Variants in TLE3 observed in about 807,000 individuals in gnomAD.
TLE3 encodes the protein TLE family member 3, transcriptional corepressor.
In TLE3, 14 loss-of-function variants were observed where a neutral mutation model predicts 93.0. The observed-to-expected ratio is 0.15, with a 90% CI of 0.10 to 0.24. The LOEUF is 0.24. Among genes scored for constraint, TLE3 ranks in the 10% least tolerant of loss-of-function variants. The pLI is 1.00. For synonymous variants in TLE3, 451 were observed against 425.0 expected (o/e 1.06, Z -0.75); for missense variants, 693 against 1,046.6 (o/e 0.66, Z 4.66).
chr15:70,073,490 A>C (rs1359485877), intron 6 of TLE3, among the ~76,000 whole-genome samples: 1 of 152,206 alleles, frequency 6.6e-6, no homozygotes, highest in African/African-American at 2.4e-5. Flanking sequence ...AGAATGTTAG[A>C]GTTGAATCAG....
chr15:70,063,429 C>A (rs1393909603), intron 8 of TLE3, among the ~76,000 whole-genome samples: 1 of 152,116 alleles, frequency 6.6e-6, no homozygotes, highest in Non-Finnish European at 1.5e-5. Flanking sequence ...GTAGGCGGGT[C>A]AAGAGGCCAC....
chr15:70,063,309 G>A (rs972453230), intron 8 of TLE3, among the ~76,000 whole-genome samples: 2 of 152,218 alleles, frequency 1.3e-5, no homozygotes, highest in African/African-American at 4.8e-5. Context: ...AAATGCCACT[G>A]TTAGAGGATC....
chr15:70,079,978 A>G (rs181020892), intron 4 of TLE3, among the ~76,000 whole-genome samples: 2 of 152,200 alleles, frequency 1.3e-5, no homozygotes, highest in Admixed American at 1.3e-4. Flanking sequence ...TAAGGTTAAT[A>G]ATTGACAGCA....
chr15:70,086,977 C>T (rs2058066493), intron 4 of TLE3, among the ~76,000 whole-genome samples: 1 of 152,214 alleles, frequency 6.6e-6, no homozygotes, highest in Non-Finnish European at 1.5e-5. Flanking sequence ...GACACCTTTA[C>T]AACTCTTTCT....
chr15:70,059,689 T>C (rs2056335906), intron 9 of TLE3, among the ~76,000 whole-genome samples: 1 of 152,206 alleles, frequency 6.6e-6, no homozygotes, highest in Admixed American at 6.5e-5. Context: ...TCCACTCCTG[T>C]ACCCACTGGG....
At chr15:70,073,915 A>T (rs1315551081) in intron 6 of TLE3, among the ~76,000 whole-genome samples, 1 of 152,168 alleles carries the variant, frequency 6.6e-6, no homozygotes, top group Non-Finnish European at 1.5e-5. Flanking sequence ...CTCACAGAGC[A>T]CTCTTGGGTA....
chr15:70,095,910 C>A, intron 2 of TLE3: 1 of 628,762 alleles, frequency 1.6e-6, no homozygotes, highest in Non-Finnish European at 2.7e-6. Context: ...CACCCAGAAC[C>A]CGGAGTGAAC....
intron 4 of TLE3, among the ~76,000 whole-genome samples, chr15:70,092,127 T>C (rs2058339529): frequency 6.6e-6 from 1 of 152,214 alleles, no homozygotes; most frequent in African/African-American, 2.4e-5. Flanking sequence ...AGTCAACCGC[T>C]AAACAGGTCA....
At chr15:70,077,034 G>C (rs1250043449) in intron 4 of TLE3, among the ~76,000 whole-genome samples, 1 of 152,102 alleles carries the variant, frequency 6.6e-6, no homozygotes, top group South Asian at 2.1e-4. Flanking sequence ...TCATTTTTTA[G>C]GATATAGCAT....
At chr15:70,052,966 C>T (rs1008145804) in intron 17 of TLE3, 26 of 445,322 alleles carry the variant, frequency 5.8e-5, no homozygotes, top group Admixed American at 5.3e-4. Context: ...TGAATGAGGA[C>T]GCCGAGGACA....
chr15:70,088,884 GCCCCCA>G (rs1036251218), intron 4 of TLE3, among the ~76,000 whole-genome samples: 2 of 134,946 alleles, frequency 1.5e-5, no homozygotes, highest in African/African-American at 2.7e-5. Flanking sequence ...CCCCGCCCCC[GCCCCCA>G]CCCCCACCCC....
At position 70,070,603 on chromosome 15, in the gene TLE3, G is replaced by C. The variant is rs529759931; in HGVS notation, c.372+3930C>G. On this transcript the variant is annotated intron_variant, in intron 6 of 19. Transcript: ENST00000451782. The stretch of plus-strand genomic sequence containing the variant: ...AGCTCCACACGCATTGAGCTTCTGG[G>C]GTTGGTAATAGCTTTTAGTGCTCAC... Among the ~76,000 whole-genome samples, 56 of 152,264 alleles carry C rather than the reference G, an allele frequency of 3.7e-4. 1 individual carries two copies. In the South Asian group the frequency reaches 0.012, roughly 32 times the overall value.
chr15:70,091,250 C>G (rs1282886467), intron 4 of TLE3, among the ~76,000 whole-genome samples: 2 of 152,258 alleles, frequency 1.3e-5, no homozygotes, highest in Non-Finnish European at 2.9e-5. Context: ...GCCCCAAAAT[C>G]AAAATGGCTC....
chr15:70,049,212 G>C lies in TLE3; in HGVS notation c.*885C>G, dbSNP rs532809120. ...GAAAGACCAGGCTGAGGAGGAGAGA[G>C]GGAGAGACCAAGAAAGAGAGACACA... On this transcript the variant is annotated 3_prime_UTR_variant, in exon 20 of 20. Transcript: ENST00000451782. 2.6e-5 allele frequency: 4 copies of C among 152,492 alleles called. No homozygotes were observed. In the East Asian group the frequency reaches 7.7e-4, roughly 29 times the overall value. 9.4% of individuals were successfully genotyped at this position (152,492 alleles called of 1,614,324 possible).
In TLE3 at chr15:70,096,922, C is replaced by T. The variant is rs1460811809; in HGVS notation, c.-124G>A. 1.9e-6 allele frequency: 2 copies of T among 1,070,228 alleles called. No homozygotes were observed. Among genetic ancestry groups the T allele is most frequent in the South Asian group, 1.4e-5 (1 of 73,866 alleles). The allele number at this position is 1,070,228 out of a possible 1,614,324, so 66.3% of individuals were successfully genotyped here. ...CGGGAAACCGAGAGCTCGCCCCCGG[C>T]CCCCCCAGCTCGTTCTCGCAGCGAA... On this transcript the variant is annotated 5_prime_UTR_variant, in exon 1 of 20. Coordinates refer to ENST00000451782, the MANE Select transcript of TLE3 (RefSeq NM_001105192.3).
intron 4 of TLE3, among the ~76,000 whole-genome samples, chr15:70,089,088 T>C (rs954026170): frequency 6.6e-6 from 1 of 152,234 alleles, no homozygotes; most frequent in Non-Finnish European, 1.5e-5. Flanking sequence ...GTGTGGCTTC[T>C]AGAACATATC....
At chr15:70,062,400 G>A (rs78361133) in intron 8 of TLE3, among the ~76,000 whole-genome samples, 581 of 152,322 alleles carry the variant, frequency 3.8e-3, no homozygotes, top group Non-Finnish European at 4.3e-3. Flanking sequence ...GGGGCGTGCG[G>A]CTGCTCGTGT....
intron 18 of TLE3, 57 bp from the exon 19 acceptor site, chr15:70,051,524 G>C (rs2055540619): frequency 2.0e-6 from 3 of 1,490,028 alleles, no homozygotes; most frequent in East Asian, 4.8e-5. Context: ...TCTAAAGCAA[G>C]ACCTGCCCTA....
intron 4 of TLE3, among the ~76,000 whole-genome samples, chr15:70,084,247 T>G (rs2057934373): frequency 6.6e-6 from 1 of 152,212 alleles, no homozygotes; most frequent in African/African-American, 2.4e-5. Context: ...TCTCAACCAA[T>G]AGTAATTGTT....
Sources: gnomAD v4.1 joint callset for allele counts (sites outside exome capture counted in the v4.1 genomes callset) on GRCh38, gnomAD v4.1.1 for gene constraint, MANE v1.5 for transcripts, NCBI Gene and HGNC (gene_info 2026-07-23, HGNC 2026-07-21) for gene names.